RPS6KC1: variants seen among roughly 807,000 people sequenced by gnomAD.
RPS6KC1 encodes the protein ribosomal protein S6 kinase C1.
In RPS6KC1, 54 loss-of-function variants were observed where a neutral mutation model predicts 103.8. The ratio of observed to expected loss-of-function variants is 0.52; its 90% CI spans 0.42 to 0.65. The LOEUF is 0.65. Ranked by LOEUF, RPS6KC1 falls within the 30% of genes least tolerant of loss-of-function variation. The pLI is 0.00. For synonymous variants in RPS6KC1, 439 were observed against 438.7 expected (o/e 1.00, Z -0.01); for missense variants, 1,151 against 1,253.8 (o/e 0.92, Z 1.24).
the RPS6KC1 span, among the ~76,000 whole-genome samples, chr1:213,575,027 G>A: frequency 3.3e-5 from 5 of 152,032 alleles, no homozygotes; most frequent in Non-Finnish European, 1.5e-5. Context: ...GTGGTGGTTG[G>A]GAGCATTACT....
chr1:213,056,387 A>G (rs917298971), intron 1 of RPS6KC1, among the ~76,000 whole-genome samples: 2 of 152,164 alleles, frequency 1.3e-5, no homozygotes, highest in South Asian at 2.1e-4. Context: ...TTTAATCCCA[A>G]TGCTATGCTG....
At chr1:213,368,191 A>G in the RPS6KC1 span, among the ~76,000 whole-genome samples, 1 of 152,236 alleles carries the variant, frequency 6.6e-6, no homozygotes, top group South Asian at 2.1e-4. Context: ...GTCCTCAGAT[A>G]AAAGACCACG....
the RPS6KC1 span, among the ~76,000 whole-genome samples, chr1:213,780,637 T>C: frequency 6.6e-6 from 1 of 152,144 alleles, no homozygotes; most frequent in African/African-American, 2.4e-5. Context: ...ATGAAGGCTA[T>C]TTGAAAAACC....
At chr1:213,504,823 A>C in the RPS6KC1 span, among the ~76,000 whole-genome samples, 10 of 152,166 alleles carry the variant, frequency 6.6e-5, no homozygotes, top group Non-Finnish European at 1.5e-4. Context: ...TAATCTTTAG[A>C]GATCTGCAAA....
chr1:213,345,094 T>G, the RPS6KC1 span, among the ~76,000 whole-genome samples: 3 of 152,252 alleles, frequency 2.0e-5, no homozygotes, highest in Non-Finnish European at 2.9e-5. Flanking sequence ...TATTTGGTTC[T>G]GCAGTGAATA....
the RPS6KC1 span, among the ~76,000 whole-genome samples, chr1:213,554,597 C>A: frequency 1.3e-5 from 2 of 152,178 alleles, no homozygotes; most frequent in Non-Finnish European, 2.9e-5. Flanking sequence ...TACCCAGAAC[C>A]TGGAATTCTC....
chr1:213,400,800 A>G, the RPS6KC1 span, among the ~76,000 whole-genome samples: 2,075 of 150,248 alleles, frequency 0.014, 44 homozygotes, highest in African/African-American at 0.048. Flanking sequence ...TCCGCCTTCC[A>G]GGTTCACGCC....
chr1:213,647,860 T>C, the RPS6KC1 span, among the ~76,000 whole-genome samples: 18 of 152,272 alleles, frequency 1.2e-4, no homozygotes, highest in African/African-American at 3.4e-4. Context: ...AAGGAAAAAG[T>C]AATCATTTTA....
At chr1:213,386,348 A>G in the RPS6KC1 span, among the ~76,000 whole-genome samples, 3 of 152,210 alleles carry the variant, frequency 2.0e-5, no homozygotes, top group African/African-American at 7.2e-5. Context: ...AGCCTCAGGT[A>G]TTCCTTTATG....
At chr1:213,826,840 A>C in the RPS6KC1 span, among the ~76,000 whole-genome samples, 1 of 152,188 alleles carries the variant, frequency 6.6e-6, no homozygotes, top group Non-Finnish European at 1.5e-5. Flanking sequence ...TAAGCATCTT[A>C]CCCTTGGATC....
chr1:213,564,936 G>A, the RPS6KC1 span, among the ~76,000 whole-genome samples: 33 of 152,242 alleles, frequency 2.2e-4, 1 homozygote, highest in South Asian at 6.6e-3. Flanking sequence ...CTGTTTTATC[G>A]TGTTGCTGTT....
chr1:213,157,182 G>C (rs889843121), intron 6 of RPS6KC1, among the ~76,000 whole-genome samples: 1 of 149,392 alleles, frequency 6.7e-6, no homozygotes, highest in African/African-American at 2.5e-5. Flanking sequence ...GCATTCTTTA[G>C]TTTTCAAATA....
chr1:213,281,794 C>A, the RPS6KC1 span, among the ~76,000 whole-genome samples: 25 of 152,166 alleles, frequency 1.6e-4, no homozygotes, highest in Non-Finnish European at 1.8e-4. Context: ...AATCAACCAC[C>A]CCCACTCCCC....
At chr1:213,690,257 C>T in the RPS6KC1 span, among the ~76,000 whole-genome samples, 1 of 152,156 alleles carries the variant, frequency 6.6e-6, no homozygotes. Flanking sequence ...GAACAATGCT[C>T]AAGAAAGATA....
chr1:213,562,490 C>T, the RPS6KC1 span, among the ~76,000 whole-genome samples: 19 of 148,242 alleles, frequency 1.3e-4, no homozygotes, highest in South Asian at 4.3e-4. Flanking sequence ...CCCGGGTTCA[C>T]GCCATTCTCC....
chr1:213,602,034 C>CTCTT, the RPS6KC1 span, among the ~76,000 whole-genome samples: 21 of 11,504 alleles, frequency 1.8e-3, 6 homozygotes, highest in Admixed American at 6.7e-3. Flanking sequence ...CTTTCTCTTT[C>CTCTT]TCTTTCTTTC....
At chr1:213,813,624 C>T in the RPS6KC1 span, among the ~76,000 whole-genome samples, 2 of 152,188 alleles carry the variant, frequency 1.3e-5, no homozygotes, top group Non-Finnish European at 2.9e-5. Context: ...CTGTTAGTTT[C>T]TCACTGCTAC....
chr1:213,186,297 T>C (rs1044667126), intron 8 of RPS6KC1, among the ~76,000 whole-genome samples: 1 of 152,118 alleles, frequency 6.6e-6, no homozygotes, highest in African/African-American at 2.4e-5. Flanking sequence ...AGCTTTAGTT[T>C]GAGAAATAGT....
At chr1:213,804,646 T>C in the RPS6KC1 span, among the ~76,000 whole-genome samples, 21,592 of 152,212 alleles carry the variant, frequency 0.14, 2,189 homozygotes, top group African/African-American at 0.29. Context: ...AACTTTATGA[T>C]TTTTATTGTT....
Sources: allele counts gnomAD v4.1 joint callset (sites outside exome capture counted in the v4.1 genomes callset), GRCh38; gene constraint gnomAD v4.1.1; transcripts MANE v1.5; gene names NCBI Gene and HGNC (gene_info 2026-07-23, HGNC 2026-07-21).